The following ASTN2 variants were observed in gnomAD, a reference collection of about 807,000 sequenced individuals.
ASTN2 encodes the protein astrotactin-2.
A neutral mutation model predicts 139.8 loss-of-function variants in ASTN2; 54 were observed. The ratio of observed to expected loss-of-function variants is 0.39; its 90% CI spans 0.31 to 0.48. The LOEUF (loss-of-function observed/expected upper bound fraction) is 0.48, where lower values mean the gene tolerates loss of function less well. Among genes scored for constraint, ASTN2 ranks in the 20% least tolerant of loss-of-function variants. The pLI is 0.95. For missense variants in ASTN2, 1,565 were observed against 1,725.1 expected (o/e 0.91, Z 1.64); for synonymous variants, 756 against 719.5 (o/e 1.05, Z -0.81).
intron 19 of ASTN2, among the ~76,000 whole-genome samples, chr9:116,529,447 T>C (rs1415506962): frequency 6.6e-6 from 1 of 152,166 alleles, no homozygotes; most frequent in African/African-American, 2.4e-5. Flanking sequence ...AACTTGCTTT[T>C]GATTTTACAG....
chr9:116,856,792 G>A (rs748151265), intron 11 of ASTN2, among the ~76,000 whole-genome samples: 5 of 152,194 alleles, frequency 3.3e-5, no homozygotes, highest in South Asian at 2.1e-4. Flanking sequence ...GGGCAGAGGC[G>A]GCAGAAATGT....
intron 7 of ASTN2, among the ~76,000 whole-genome samples, chr9:116,987,281 T>A (rs554910656): frequency 6.6e-6 from 1 of 152,368 alleles, no homozygotes; most frequent in African/African-American, 2.4e-5. Context: ...GAGATCTGGT[T>A]GTTTAAAAGC....
At chr9:117,076,687 C>T (rs558578776) in intron 5 of ASTN2, among the ~76,000 whole-genome samples, 20 of 152,052 alleles carry the variant, frequency 1.3e-4, no homozygotes, top group Admixed American at 1.1e-3. Context: ...GCAGGGGCAG[C>T]GGGGGTGGAG....
intron 10 of ASTN2, among the ~76,000 whole-genome samples, chr9:116,954,907 G>A (rs1835668677): frequency 6.6e-6 from 1 of 152,218 alleles, no homozygotes; most frequent in Admixed American, 6.5e-5. Context: ...CAGAAAACCT[G>A]GAGGTGAGCC....
chr9:116,486,642 A>T (rs1192829071), intron 20 of ASTN2, among the ~76,000 whole-genome samples: 1 of 152,224 alleles, frequency 6.6e-6, no homozygotes, highest in Non-Finnish European at 1.5e-5. Context: ...TGGGGTACAT[A>T]AGGAGAGGTG....
Position 116,698,690 on chromosome 9 carries a change from C to T in ASTN2, c.2806+27081G>A, listed in dbSNP as rs1351064837. On this transcript the variant is annotated intron_variant, in intron 16 of 22. Coordinates refer to ENST00000313400, the MANE Select transcript of ASTN2 (RefSeq NM_001365068.1). This position sits in a 1 kb window ranked among gnomAD's most constrained non-coding sequence, Gnocchi z 4.4. ...CCATGGAGGCCACAGCGTCTGCTGC[C>T]TCTACCTCTGTTACTTTTAGAGAGA... 12 of 1,614,180 alleles carry T rather than the reference C, an allele frequency of 7.4e-6. No individual in the cohort carries two copies. The East Asian group carries it at 2.7e-4, about 36-fold the overall frequency.
intron 19 of ASTN2, among the ~76,000 whole-genome samples, chr9:116,524,628 G>C (rs975887084): frequency 5.9e-5 from 9 of 152,266 alleles, no homozygotes; most frequent in Admixed American, 4.6e-4. Flanking sequence ...GTACTCCCTT[G>C]GTGTTTTGTG....
intron 2 of ASTN2, among the ~76,000 whole-genome samples, chr9:117,230,929 GAC>G (rs1832872247): frequency 6.6e-6 from 1 of 152,120 alleles, no homozygotes; most frequent in African/African-American, 2.4e-5. Flanking sequence ...GTATCTTCTT[GAC>G]CCTCCCAGAT....
At chr9:117,392,339 C>A (rs1423288260) in intron 1 of ASTN2, among the ~76,000 whole-genome samples, 5 of 152,146 alleles carry the variant, frequency 3.3e-5, no homozygotes, top group Admixed American at 6.5e-5. Flanking sequence ...AGGGAGAAAT[C>A]CAAGGATTAC....
chr9:116,500,458 C>T (rs1849816209), intron 19 of ASTN2, among the ~76,000 whole-genome samples: 1 of 152,222 alleles, frequency 6.6e-6, no homozygotes, highest in Admixed American at 6.5e-5. Flanking sequence ...CTCATCCAGG[C>T]TGTGAGCTGA....
chr9:117,052,445 A>AG (rs1838941157), intron 5 of ASTN2, among the ~76,000 whole-genome samples: 3 of 151,814 alleles, frequency 2.0e-5, no homozygotes, highest in Admixed American at 6.6e-5. Flanking sequence ...AAAAAAAAAA[A>AG]AAAAAAGAAA....
chr9:116,757,592 T>C (rs1240845643), intron 13 of ASTN2, among the ~76,000 whole-genome samples: 1 of 152,178 alleles, frequency 6.6e-6, no homozygotes, highest in Non-Finnish European at 1.5e-5. Flanking sequence ...CATCTGTGTA[T>C]GTGGACAAGC....
At chr9:116,653,140 T>C (rs2131933337) in intron 16 of ASTN2, among the ~76,000 whole-genome samples, 1 of 152,366 alleles carries the variant, frequency 6.6e-6, no homozygotes, top group African/African-American at 2.4e-5. Flanking sequence ...CCACTTTCAG[T>C]GCCAAACATG....
chr9:116,698,735 A>G lies in ASTN2; in HGVS notation c.2806+27036T>C. On this transcript the variant is annotated intron_variant, in intron 16 of 22. Transcript: ENST00000313400. The surrounding 1 kb of genome is among the most constrained non-coding windows in gnomAD (Gnocchi z 4.4). ...GAGAGATGGACATGAGCCCGGAGGA[A>G]GTGGTTGCCAGCCCTAGGGCCTCAC... 2.5e-6 allele frequency: 4 copies of G among 1,614,188 alleles called. No homozygotes were observed. Among genetic ancestry groups the G allele is most frequent in the Non-Finnish European group, 3.4e-6 (4 of 1,180,032 alleles).
At chr9:117,358,410 GT>G (rs1346696494) in intron 1 of ASTN2, among the ~76,000 whole-genome samples, 1 of 131,000 alleles carries the variant, frequency 7.6e-6, no homozygotes, top group African/African-American at 2.8e-5. Context: ...CCCTGAATGA[GT>G]GTAACATTAC....
intron 10 of ASTN2, among the ~76,000 whole-genome samples, chr9:116,951,178 A>T (rs1183989912): frequency 6.6e-6 from 1 of 151,794 alleles, no homozygotes; most frequent in Non-Finnish European, 1.5e-5. Context: ...TCTCTACTAA[A>T]AATACAAAAT....
intron 3 of ASTN2, among the ~76,000 whole-genome samples, chr9:117,213,604 T>C (rs143746575): frequency 6.6e-6 from 1 of 152,210 alleles, no homozygotes; most frequent in Non-Finnish European, 1.5e-5. Context: ...ATAAAAGAAG[T>C]CTAATATGAG....
intron 16 of ASTN2, among the ~76,000 whole-genome samples, chr9:116,685,061 C>T (rs767649896): frequency 2.0e-5 from 3 of 152,184 alleles, no homozygotes; most frequent in East Asian, 3.9e-4. Context: ...TTAGAAATTG[C>T]GGTTTAGGAG....
At chr9:116,670,355 A>T (rs1859120314) in intron 16 of ASTN2, among the ~76,000 whole-genome samples, 1 of 152,134 alleles carries the variant, frequency 6.6e-6, no homozygotes, top group Non-Finnish European at 1.5e-5. Context: ...CCACAAGGGC[A>T]GGAGGTAGAA....
Sources: allele counts gnomAD v4.1 joint callset (sites outside exome capture counted in the v4.1 genomes callset), GRCh38; gene constraint gnomAD v4.1.1; non-coding constraint Gnocchi (gnomAD v3.1); transcripts MANE v1.5; gene names NCBI Gene and HGNC (gene_info 2026-07-23, HGNC 2026-07-21).